Variants in MTHFD1L observed in about 807,000 individuals in gnomAD.
The protein encoded by MTHFD1L is monofunctional C1-tetrahydrofolate synthase, mitochondrial.
MTHFD1L carries 81 observed loss-of-function variants against 119.5 expected under a neutral mutation model. The ratio of observed to expected loss-of-function variants is 0.68; its 90% CI spans 0.57 to 0.82. MTHFD1L has a LOEUF of 0.82. MTHFD1L is among the 40% of genes least tolerant of loss of function. The pLI is 0.00. For synonymous variants in MTHFD1L, 430 were observed against 475.2 expected (o/e 0.90, Z 1.24); for missense variants, 1,125 against 1,253.4 (o/e 0.90, Z 1.55).
At chr6:150,953,475 A>G (rs1158801646) in intron 16 of MTHFD1L, among the ~76,000 whole-genome samples, 1 of 152,238 alleles carries the variant, frequency 6.6e-6, no homozygotes, top group African/African-American at 2.4e-5. Flanking sequence ...ACTAGGCACA[A>G]GTAGCCCCTC....
intron 8 of MTHFD1L, among the ~76,000 whole-genome samples, chr6:150,912,117 A>AC (rs1288117576): frequency 6.6e-6 from 1 of 152,064 alleles, no homozygotes; most frequent in African/African-American, 2.4e-5. Flanking sequence ...ATGAAGGGCC[A>AC]CCCCCATGAT....
intron 10 of MTHFD1L, among the ~76,000 whole-genome samples, chr6:150,923,540 T>TA (rs57115594): frequency 2.8e-3 from 280 of 98,942 alleles, no homozygotes; most frequent in Middle Eastern, 4.3e-3. Flanking sequence ...TTTATTTATT[T>TA]TTTCTTTTTT....
At chr6:150,924,825 G>T (rs1394272877) in intron 10 of MTHFD1L, among the ~76,000 whole-genome samples, 5 of 152,206 alleles carry the variant, frequency 3.3e-5, no homozygotes, top group African/African-American at 1.2e-4. Context: ...TTAGGAGATT[G>T]TGGGAAGAGA....
intron 11 of MTHFD1L, among the ~76,000 whole-genome samples, chr6:150,931,268 CTTT>C (rs370763551): frequency 1.6e-5 from 2 of 123,732 alleles, no homozygotes; most frequent in African/African-American, 5.7e-5. Context: ...ATCATTTCAT[CTTT>C]TTTTTTTTTT....
chr6:151,066,711 G>A (rs1225284571), intron 26 of MTHFD1L, among the ~76,000 whole-genome samples: 2 of 150,454 alleles, frequency 1.3e-5, no homozygotes, highest in African/African-American at 4.9e-5. Context: ...CTTGCAGTGA[G>A]CCAAGATTGC....
intron 1 of MTHFD1L, among the ~76,000 whole-genome samples, chr6:150,875,655 C>T (rs1196682603): frequency 6.6e-6 from 1 of 151,886 alleles, no homozygotes; most frequent in Non-Finnish European, 1.5e-5. Flanking sequence ...CTGTCTTCAC[C>T]CCCCTAATCC....
chr6:151,004,009 A>T lies in MTHFD1L; in HGVS notation c.2126-5810A>T, dbSNP rs769606518. Among the ~76,000 whole-genome samples, 515 of 66,832 alleles carry T rather than the reference A, an allele frequency of 7.7e-3. 1 individual carries two copies. The highest frequency in any genetic ancestry group is 0.021 in the Admixed American group (94 of 4,542). 43.8% of individuals were successfully genotyped at this position (66,832 alleles called of 152,430 possible). Reference sequence around the variant, plus strand: ...AGTGAGGATGTTAATGCTTTTTTTTAAAAAAAAAAAAAAAAAAAGAGAGAG... The same window carrying T: ...AGTGAGGATGTTAATGCTTTTTTTTTAAAAAAAAAAAAAAAAAAGAGAGAG... On this transcript the variant is annotated intron_variant, in intron 20 of 27. Coordinates refer to ENST00000367321, the MANE Select transcript of MTHFD1L (RefSeq NM_015440.5).
Position 151,012,293 on chromosome 6 carries a change from A to G in MTHFD1L, c.2266-1486A>G, listed in dbSNP as rs539659644. On this transcript the variant is annotated intron_variant, in intron 21 of 27. Coordinates refer to ENST00000367321, the MANE Select transcript of MTHFD1L (RefSeq NM_015440.5). ...TGAACTTTCATCCTCTTAATCCTCT[A>G]TTCCATAGTGCTCATCTCGGTGTCC... 1.9e-4 allele frequency among the ~76,000 whole-genome samples: 29 copies of G among 151,674 alleles called. No individual in the cohort carries two copies. The South Asian group carries it at 4.6e-3, about 24-fold the overall frequency.
rs538850690 is a variant in MTHFD1L, at chr6:151,092,699, T to C, written c.*31+112T>C. 24 of 641,250 alleles carry C rather than the reference T, an allele frequency of 3.7e-5. No individual in the cohort carries two copies. In the Admixed American group the frequency reaches 4.5e-4, roughly 12 times the overall value. 39.7% of individuals were successfully genotyped at this position (641,250 alleles called of 1,614,324 possible). A position where few individuals can be genotyped will look rare whatever the true frequency, so the allele number is the denominator to read the frequency against. ...GAAGTGATCTGATAAATCCTTTCCTTCCTTTGTTACTCAAATTCCTACCAA... is the reference window on the plus strand; with the variant it reads ...GAAGTGATCTGATAAATCCTTTCCTCCCTTTGTTACTCAAATTCCTACCAA... On this transcript the variant is annotated intron_variant, in intron 27 of 27. Transcript: ENST00000367321.
chr6:150,931,425 A>G (rs1007989453), intron 11 of MTHFD1L, among the ~76,000 whole-genome samples: 7 of 151,992 alleles, frequency 4.6e-5, no homozygotes, highest in African/African-American at 1.7e-4. Flanking sequence ...TATCTGTGTG[A>G]TTTTCTTTTA....
chr6:150,907,792 G>A (rs1478527091), intron 8 of MTHFD1L, among the ~76,000 whole-genome samples: 1 of 152,068 alleles, frequency 6.6e-6, no homozygotes. Context: ...TCTATAAGTA[G>A]AATTTATTTG....
At chr6:150,906,586 C>G (rs1007610447) in intron 8 of MTHFD1L, among the ~76,000 whole-genome samples, 6 of 152,228 alleles carry the variant, frequency 3.9e-5, no homozygotes, top group African/African-American at 1.4e-4. Context: ...TTCCTTCTGG[C>G]TTTGGCCTCC....
rs1032821446 is a variant in MTHFD1L, at chr6:150,943,857, G to A, written c.1441-629G>A. Among the ~76,000 whole-genome samples the A allele has an allele frequency of 5.9e-5, 9 of 152,252 alleles. No individual in the cohort carries two copies. In the South Asian group the frequency reaches 8.3e-4, roughly 14 times the overall value. ...AAATACTCTATTTCTCCAAAGTTCTGTAATATTTCATATTATTTTATTGTT... is the reference window on the plus strand; with the variant it reads ...AAATACTCTATTTCTCCAAAGTTCTATAATATTTCATATTATTTTATTGTT... On this transcript the variant is annotated intron_variant, in intron 13 of 27. Coordinates refer to ENST00000367321, the MANE Select transcript of MTHFD1L (RefSeq NM_015440.5).
chr6:151,066,746 T>C (rs560480772), intron 26 of MTHFD1L, among the ~76,000 whole-genome samples: 5 of 144,898 alleles, frequency 3.5e-5, no homozygotes, highest in South Asian at 2.2e-4. Flanking sequence ...GCCTGGGCAA[T>C]AGAGCAAAAC....
intron 20 of MTHFD1L, among the ~76,000 whole-genome samples, chr6:151,009,528 CA>C (rs1781923784): frequency 7.1e-6 from 1 of 139,966 alleles, no homozygotes; most frequent in Non-Finnish European, 1.6e-5. Flanking sequence ...GGCAAGACAC[CA>C]TCTCCAAAAA....
chr6:151,065,916 A>T (rs1791180258), intron 26 of MTHFD1L, among the ~76,000 whole-genome samples: 1 of 152,254 alleles, frequency 6.6e-6, no homozygotes, highest in Non-Finnish European at 1.5e-5. Flanking sequence ...TGTCTCACAC[A>T]GGCAAAGACT....
rs746115821 is a variant in MTHFD1L, at chr6:150,876,215, C to G, written c.312+41C>G. 10 of 1,415,772 alleles carry G rather than the reference C, an allele frequency of 7.1e-6. No individual in the cohort carries two copies. In the African/African-American group the frequency reaches 7.3e-5, roughly 10 times the overall value. The allele number at this position is 1,415,772 out of a possible 1,614,324, so 87.7% of individuals were successfully genotyped here. ...GGTTCAGTCCTACTATTTTAGGATG[C>G]CTTTCAATTTAGAAAATGATTGTAT... On this transcript the variant is annotated intron_variant, in intron 2 of 27. Coordinates refer to ENST00000367321, the MANE Select transcript of MTHFD1L (RefSeq NM_015440.5).
intron 26 of MTHFD1L, 85 bp from the exon 27 acceptor site, chr6:151,092,382 G>A: frequency 9.9e-7 from 1 of 1,005,212 alleles, no homozygotes; most frequent in East Asian, 2.4e-5. Context: ...AGGCTGTATT[G>A]AACGATAGAG....
chr6:150,932,217 T>G (rs1432733195), intron 11 of MTHFD1L, among the ~76,000 whole-genome samples: 1 of 150,630 alleles, frequency 6.6e-6, no homozygotes, highest in East Asian at 1.9e-4. Context: ...TTTTTTGCTG[T>G]TCTGTGCCCT....
Sources: allele counts gnomAD v4.1 joint callset (sites outside exome capture counted in the v4.1 genomes callset), GRCh38; gene constraint gnomAD v4.1.1; transcripts MANE v1.5; gene names NCBI Gene and HGNC (gene_info 2026-07-23, HGNC 2026-07-21).